Variants in RIMS2 observed in about 807,000 individuals in gnomAD.
RIMS2 encodes the protein regulating synaptic membrane exocytosis 2.
A neutral mutation model predicts 174.4 loss-of-function variants in RIMS2; 59 were observed. The observed-to-expected ratio is 0.34, with a 90% CI of 0.27 to 0.42. The LOEUF (loss-of-function observed/expected upper bound fraction) is 0.42. Ranked by LOEUF, RIMS2 falls within the 10% of genes least tolerant of loss-of-function variation. RIMS2 has a pLI of 1.00. For missense variants in RIMS2, 1,620 were observed against 1,666.3 expected, an observed-to-expected ratio of 0.97 and a Z score of 0.48; for synonymous variants, 606 against 572.5, an observed-to-expected ratio of 1.06 and a Z score of -0.84.
chr8:103,943,009 T>A (rs2082892056), intron 14 of RIMS2, 83 bp downstream of exon 16: 1 of 973,828 alleles, frequency 1.0e-6, no homozygotes, highest in Non-Finnish European at 1.5e-6. Flanking sequence ...CTTGAAGATA[T>A]CTTTGTGAAT....
rs938811252 is a variant in RIMS2 at position 104,089,466 on chromosome 8, G to A, written c.3334+74851G>A. On this transcript the variant is annotated intron_variant, in intron 19 of 23. Transcript: ENST00000504942. The stretch of plus-strand genomic sequence containing the variant: ...GATTTCTGGGGGTGGGGGTTGAGTT[G>A]TATATGTGAATATGTTATATTCTAA... Among the ~76,000 whole-genome samples the A allele has an allele frequency of 3.3e-5, 5 of 151,862 alleles. No individual in the cohort carries two copies. The East Asian group carries it at 9.6e-4, about 29-fold the overall frequency.
rs982132426 is a variant in RIMS2, at chr8:104,223,406, C to T, written c.3335-21510C>T. The stretch of plus-strand genomic sequence containing the variant: ...GACCTCGGACGTTCACTGCGAGCAG[C>T]CGCTCCGCCCGCCACCGCCTCCATC... On this transcript the variant is annotated intron_variant, in intron 19 of 23. Coordinates refer to ENST00000504942, the Ensembl canonical transcript of RIMS2. 3.9e-6 allele frequency: 5 copies of T among 1,269,452 alleles called. No individual in the cohort carries two copies. The African/African-American group carries it at 4.8e-5, about 12-fold the overall frequency. 78.6% of individuals were successfully genotyped at this position (1,269,452 alleles called of 1,614,324 possible).
In RIMS2 at chr8:103,917,722, T is replaced by C. The variant is rs139350682; in HGVS notation, c.2037-719T>C. ...TTTGCCTTTTTCTCAATGATGTTAC[T>C]ACATTTTAAAAGTTTCCGGTGGCTC... On this transcript the variant is annotated intron_variant, in intron 8 of 23. Transcript: ENST00000504942. Among the ~76,000 whole-genome samples, 40 of 152,246 alleles carry C rather than the reference T, an allele frequency of 2.6e-4. No homozygotes were observed. In the East Asian group the frequency reaches 7.4e-3, roughly 28 times the overall value.
intron 11 of RIMS2, among the ~76,000 whole-genome samples, chr8:103,930,208 CT>C (rs1283755117): frequency 1.3e-5 from 2 of 151,800 alleles, no homozygotes; most frequent in Non-Finnish European, 2.9e-5. Context: ...ATTTTATATA[CT>C]TTTTTGGGCT....
intron 12 of RIMS2, among the ~76,000 whole-genome samples, chr8:103,935,780 G>C (rs916974210): frequency 6.6e-6 from 1 of 152,104 alleles, no homozygotes; most frequent in Non-Finnish European, 1.5e-5. Context: ...AGAAATATTT[G>C]AATGTTTAAA....
At position 103,827,387 on chromosome 8, in the gene RIMS2, T is replaced by A. The variant is rs191586496; in HGVS notation, c.699-57911T>A. 9.6e-4 allele frequency among the ~76,000 whole-genome samples: 146 copies of A among 152,338 alleles called. 1 individual carries two copies. The highest frequency in any genetic ancestry group is 3.5e-3 in the African/African-American group (145 of 41,594). On this transcript the variant is annotated intron_variant, in intron 3 of 23. Transcript: ENST00000504942. ...TTTGTAGATTTGTTATGCTATTCTG[T>A]GTAAGCAATCATGTCATTTGCAGAG...
chr8:103,988,439 T>C (rs529927474), intron 16 of RIMS2, among the ~76,000 whole-genome samples: 317 of 152,240 alleles, frequency 2.1e-3, no homozygotes, highest in Non-Finnish European at 3.4e-3. Context: ...AGGTAAGAAT[T>C]GAAGCCAGAG....
intron 17 of RIMS2, chr8:103,998,322 T>C (rs985909064): frequency 9.9e-7 from 1 of 1,005,718 alleles, no homozygotes; most frequent in Admixed American, 2.1e-5. Context: ...TATAGTTCAC[T>C]TTTATTTCTG....
At chr8:104,199,884 G>A (rs1048621515) in intron 19 of RIMS2, among the ~76,000 whole-genome samples, 3 of 152,210 alleles carry the variant, frequency 2.0e-5, no homozygotes, top group African/African-American at 4.8e-5. Context: ...ATGACTTGAA[G>A]TCTAAAGTGT....
At chr8:103,500,796 C>A in exon 1 of RIMS2, 1 of 711,566 alleles carries the variant, frequency 1.4e-6, no homozygotes, top group Non-Finnish European at 2.3e-6. Context: ...TTTGTCCCAG[C>A]GCTGGAGGCT....
In RIMS2 at chr8:103,779,592, T is replaced by C. The variant is rs922639262; in HGVS notation, c.698+13055T>C. ...GCAGCCATAAAAAAGGATGAGTTCA[T>C]GTCCTTTGTAGGGTCATGGATGAAG... is the stretch of plus-strand genomic sequence containing the variant. On this transcript the variant is annotated intron_variant, in intron 3 of 23. Coordinates refer to ENST00000504942, the Ensembl canonical transcript of RIMS2. Among the ~76,000 whole-genome samples, 16 of 152,106 alleles carry C rather than the reference T, an allele frequency of 1.1e-4. No homozygotes were observed. The East Asian group carries it at 2.9e-3, about 28-fold the overall frequency.
At chr8:103,818,119 T>G (rs1300436968) in intron 3 of RIMS2, among the ~76,000 whole-genome samples, 1 of 152,144 alleles carries the variant, frequency 6.6e-6, no homozygotes, top group East Asian at 1.9e-4. Flanking sequence ...TATTACATGT[T>G]TAATTTGTGT....
At chr8:103,886,172 T>C (rs748894148) in exon 4 of RIMS2, 1 of 1,612,390 alleles carries the variant, frequency 6.2e-7, no homozygotes, top group African/African-American at 1.3e-5. Context: ...CACGCCTGAA[T>C]ATACAAGTTG....
chr8:103,885,416 T>G, exon 4 of RIMS2: 1 of 1,611,918 alleles, frequency 6.2e-7, no homozygotes, highest in Non-Finnish European at 8.5e-7. Flanking sequence ...TCCATCAGAT[T>G]ATGCTGATAG....
chr8:103,750,205 A>G (rs540018822), intron 2 of RIMS2, among the ~76,000 whole-genome samples: 1 of 152,292 alleles, frequency 6.6e-6, no homozygotes, highest in East Asian at 1.9e-4. Flanking sequence ...TCCATTAAAA[A>G]TATAGTAACT....
At chr8:103,576,171 C>G (rs896198966) in intron 1 of RIMS2, among the ~76,000 whole-genome samples, 8 of 152,218 alleles carry the variant, frequency 5.3e-5, no homozygotes, top group Non-Finnish European at 2.9e-5. Flanking sequence ...CACTATAAGG[C>G]TATCCCCTTT....
intron 14 of RIMS2, among the ~76,000 whole-genome samples, chr8:103,944,069 C>A (rs778137617): frequency 2.0e-5 from 3 of 151,936 alleles, no homozygotes; most frequent in Non-Finnish European, 2.9e-5. Context: ...CATAGGAAAG[C>A]CTAGAGAATT....
At chr8:103,660,930 T>C (rs979626385) in intron 1 of RIMS2, among the ~76,000 whole-genome samples, 67 of 152,288 alleles carry the variant, frequency 4.4e-4, no homozygotes, top group Non-Finnish European at 5.9e-4. Flanking sequence ...AGTGCACAGA[T>C]TGAAGGTATA....
intron 19 of RIMS2, among the ~76,000 whole-genome samples, chr8:104,116,691 A>C (rs1367518155): frequency 6.6e-6 from 1 of 152,170 alleles, no homozygotes; most frequent in African/African-American, 2.4e-5. Flanking sequence ...GATGGTTTCA[A>C]TTTTGTTTTT....
Sources: gnomAD v4.1 joint callset for allele counts (sites outside exome capture counted in the v4.1 genomes callset) on GRCh38, gnomAD v4.1.1 for gene constraint, MANE v1.5 for transcripts, NCBI Gene and HGNC (gene_info 2026-07-23, HGNC 2026-07-21) for gene names.